The following KCNIP4 variants were observed in gnomAD, a reference collection of about 807,000 sequenced individuals.
The protein encoded by KCNIP4 is Kv channel-interacting protein 4.
A neutral mutation model predicts 34.0 loss-of-function variants in KCNIP4; 12 were observed. The observed-to-expected ratio is 0.35, with a 90% CI of 0.23 to 0.57. The LOEUF (loss-of-function observed/expected upper bound fraction) is 0.57. Ranked by LOEUF, KCNIP4 falls within the 20% of genes least tolerant of loss-of-function variation. The pLI is 0.83. For synonymous variants in KCNIP4, 124 were observed against 102.2 expected, an observed-to-expected ratio of 1.21 and a Z score of -1.29; for missense variants, 238 against 311.7, an observed-to-expected ratio of 0.76 and a Z score of 1.78.
At chr4:20,999,648 G>A (rs1737923771) in intron 1 of KCNIP4, among the ~76,000 whole-genome samples, 1 of 151,912 alleles carries the variant, frequency 6.6e-6, no homozygotes, top group African/African-American at 2.4e-5. Context: ...AGATGATTTA[G>A]GAATGTGGCA....
Position 21,556,930 on chromosome 4 carries a change from A to AAAAAAAAAAAAAAC in KCNIP4, c.61+391627_61+391640dup, listed in dbSNP as rs1739102439. On this transcript the variant is annotated intron_variant, in intron 1 of 8. Transcript: ENST00000382152. ...AGCAAGACTCCATCTCAGAAAAAAA[A>AAAAAAAAAAAAAAC]AAAAAAAAAAAAACCAGAAAACAAA... 2.4e-4 allele frequency among the ~76,000 whole-genome samples: 26 copies of AAAAAAAAAAAAAAC among 108,222 alleles called. 1 individual carries two copies. The highest frequency in any genetic ancestry group is 6.5e-4 in the East Asian group (2 of 3,094). The allele number at this position is 108,222 out of a possible 152,430, so 71.0% of individuals were successfully genotyped here. A position where few individuals can be genotyped will look rare whatever the true frequency, so the allele number is the denominator to read the frequency against.
intron 1 of KCNIP4, among the ~76,000 whole-genome samples, chr4:21,210,205 T>A (rs1757124608): frequency 6.6e-6 from 1 of 152,200 alleles, no homozygotes; most frequent in African/African-American, 2.4e-5. Context: ...GTTGCCTCAT[T>A]AACAATTGTT....
intron 1 of KCNIP4, among the ~76,000 whole-genome samples, chr4:21,245,077 T>G (rs544055267): frequency 1.3e-5 from 2 of 152,212 alleles, no homozygotes; most frequent in Non-Finnish European, 2.9e-5. Flanking sequence ...GATGAAGATG[T>G]GGTCTCCTAT....
chr4:20,772,309 G>A (rs2149380810), intron 3 of KCNIP4, among the ~76,000 whole-genome samples: 1 of 152,198 alleles, frequency 6.6e-6, no homozygotes, highest in South Asian at 2.1e-4. Flanking sequence ...TGTTCAACAC[G>A]TATTCATATA....
intron 1 of KCNIP4, among the ~76,000 whole-genome samples, chr4:21,672,620 C>T (rs1749591951): frequency 1.3e-5 from 2 of 152,312 alleles, no homozygotes; most frequent in South Asian, 4.1e-4. Context: ...AGTTCAGATA[C>T]CATGAAAGTA....
At chr4:21,581,203 A>G (rs907121427) in intron 1 of KCNIP4, among the ~76,000 whole-genome samples, 7 of 152,042 alleles carry the variant, frequency 4.6e-5, no homozygotes, top group South Asian at 4.1e-4. Flanking sequence ...GCACCTTGGT[A>G]GAGGAACGGC....
intron 1 of KCNIP4, among the ~76,000 whole-genome samples, chr4:21,571,986 A>T (rs1740401774): frequency 6.6e-6 from 1 of 152,182 alleles, no homozygotes; most frequent in Non-Finnish European, 1.5e-5. Context: ...ACTTTCCAAA[A>T]GTATAGGTAT....
At chr4:21,903,483 T>G (rs1275466189) in intron 1 of KCNIP4, among the ~76,000 whole-genome samples, 1 of 152,180 alleles carries the variant, frequency 6.6e-6, no homozygotes, top group Non-Finnish European at 1.5e-5. Context: ...ACTTCAATAT[T>G]AATTGGTCTT....
At chr4:20,828,171 G>A (rs1717993117) in intron 3 of KCNIP4, among the ~76,000 whole-genome samples, 1 of 152,202 alleles carries the variant, frequency 6.6e-6, no homozygotes, top group Admixed American at 6.5e-5. Flanking sequence ...GCTCAAGCCT[G>A]TAATCCCAGC....
intron 1 of KCNIP4, among the ~76,000 whole-genome samples, chr4:20,992,632 C>T (rs1488281745): frequency 6.6e-6 from 1 of 152,084 alleles, no homozygotes; most frequent in Non-Finnish European, 1.5e-5. Context: ...GGATCATTTT[C>T]CTTATCTATG....
intron 1 of KCNIP4, among the ~76,000 whole-genome samples, chr4:21,005,450 CA>C (rs1481378120): frequency 6.6e-6 from 1 of 152,146 alleles, no homozygotes; most frequent in Non-Finnish European, 1.5e-5. Flanking sequence ...GAATAAATAC[CA>C]AAAAGCCTAA....
At chr4:21,508,977 C>T (rs1252869970) in intron 1 of KCNIP4, among the ~76,000 whole-genome samples, 2 of 152,164 alleles carry the variant, frequency 1.3e-5, no homozygotes, top group East Asian at 1.9e-4. Flanking sequence ...CCTCACTTTC[C>T]TTCTCACCAT....
chr4:21,505,684 G>A (rs1733787598), intron 1 of KCNIP4, among the ~76,000 whole-genome samples: 1 of 152,102 alleles, frequency 6.6e-6, no homozygotes. Context: ...GGCAAATCAT[G>A]CATCTTATTC....
intron 1 of KCNIP4, among the ~76,000 whole-genome samples, chr4:21,609,477 C>A (rs1168363337): frequency 6.6e-6 from 1 of 152,120 alleles, no homozygotes; most frequent in Non-Finnish European, 1.5e-5. Context: ...ACAAGGACAG[C>A]CTGTATGTCT....
At chr4:21,266,423 A>T (rs1365234937) in intron 1 of KCNIP4, among the ~76,000 whole-genome samples, 1 of 152,172 alleles carries the variant, frequency 6.6e-6, no homozygotes, top group Admixed American at 6.5e-5. Context: ...ATGAAAATAC[A>T]TTGAGGACAA....
At chr4:21,171,877 C>T (rs1182133908) in intron 1 of KCNIP4, among the ~76,000 whole-genome samples, 2 of 152,174 alleles carry the variant, frequency 1.3e-5, no homozygotes, top group African/African-American at 4.8e-5. Flanking sequence ...TCTATAAATA[C>T]TTGTCTCAGC....
intron 1 of KCNIP4, among the ~76,000 whole-genome samples, chr4:21,076,774 A>G (rs950815464): frequency 6.6e-6 from 1 of 152,142 alleles, no homozygotes; most frequent in Non-Finnish European, 1.5e-5. Flanking sequence ...CAGCTCTCAT[A>G]CACTTTGAGT....
chr4:20,972,340 T>C (rs931497707), intron 1 of KCNIP4, among the ~76,000 whole-genome samples: 6 of 152,212 alleles, frequency 3.9e-5, no homozygotes, highest in African/African-American at 1.2e-4. Flanking sequence ...GCTATAGCCT[T>C]ACAAAATGTA....
At position 21,657,195 on chromosome 4, in the gene KCNIP4, C is replaced by T. The variant is rs570228922; in HGVS notation, c.61+291376G>A. Among the ~76,000 whole-genome samples, 31 of 152,278 alleles carry T rather than the reference C, an allele frequency of 2.0e-4. No homozygotes were observed. In the East Asian group the frequency reaches 5.4e-3, roughly 27 times the overall value. On this transcript the variant is annotated intron_variant, in intron 1 of 8. Transcript: ENST00000382152. ...AGACTTTTCAACGCTGCTCTGTGAT[C>T]ACTTGCTTTTTAATTCTTTTATCAG...
Sources: gnomAD v4.1 joint callset for allele counts (sites outside exome capture counted in the v4.1 genomes callset) on GRCh38, gnomAD v4.1.1 for gene constraint, MANE v1.5 for transcripts, NCBI Gene and HGNC (gene_info 2026-07-23, HGNC 2026-07-21) for gene names.